Variants in RHEX observed in about 807,000 individuals in gnomAD.
RHEX encodes regulator of hemoglobinization and erythroid cell expansion.
Under a neutral mutation model 20.1 loss-of-function variants are expected in RHEX, and 18 were observed. The observed-to-expected ratio is 0.90, with a 90% CI of 0.62 to 1.33. RHEX has a LOEUF of 1.33. RHEX is among the 40% of genes most tolerant of loss of function. The pLI, the probability that RHEX is intolerant of heterozygous loss-of-function variation, is 0.00. For missense variants in RHEX, 192 were observed against 214.3 expected (o/e 0.90, Z 0.65); for synonymous variants, 87 against 77.1 (o/e 1.13, Z -0.67).
At chr1:206,072,890 G>T (rs1662563348) in intron 1 of RHEX, among the ~76,000 whole-genome samples, 1 of 147,184 alleles carries the variant, frequency 6.8e-6, no homozygotes, top group Admixed American at 6.9e-5. Flanking sequence ...GGAGTGCAGT[G>T]GTGTGATCAC....
intron 1 of RHEX, among the ~76,000 whole-genome samples, chr1:206,090,569 C>T (rs892586783): frequency 6.6e-6 from 1 of 151,988 alleles, no homozygotes; most frequent in Non-Finnish European, 1.5e-5. Flanking sequence ...TTCCCAGATA[C>T]ATTTTAGAGT....
chr1:206,064,417 C>T (rs1405791937), intron 1 of RHEX, among the ~76,000 whole-genome samples: 25 of 112,662 alleles, frequency 2.2e-4, no homozygotes, highest in African/African-American at 4.8e-4. Context: ...CCCGGCCAGC[C>T]GCCCCGTCCG....
At chr1:206,084,249 A>G (rs1662791481) in intron 1 of RHEX, among the ~76,000 whole-genome samples, 1 of 152,190 alleles carries the variant, frequency 6.6e-6, no homozygotes, top group South Asian at 2.1e-4. Flanking sequence ...AGGTCAGAGA[A>G]TGTGCACCAT....
chr1:206,060,513 G>A (rs1191855087), intron 1 of RHEX: 1 of 152,628 alleles, frequency 6.6e-6, no homozygotes, highest in Non-Finnish European at 1.5e-5. Context: ...GGATCTGTGG[G>A]GATTGGTGTG....
At chr1:206,097,005 G>C (rs1402095050) in intron 1 of RHEX, among the ~76,000 whole-genome samples, 1 of 152,030 alleles carries the variant, frequency 6.6e-6, no homozygotes, top group Non-Finnish European at 1.5e-5. Context: ...GAACTCCTAG[G>C]CTCAAGTGAT....
intron 2 of RHEX, 108 bp from the exon 3 acceptor site, chr1:206,097,973 G>A (rs1422622363): frequency 5.1e-6 from 6 of 1,170,958 alleles, no homozygotes; most frequent in African/African-American, 3.0e-5. Context: ...CCTACCCTGG[G>A]ACACGCAGCA....
Position 206,099,809 on chromosome 1 carries a change from G to A in RHEX, c.256+11G>A. The A allele has an allele frequency of 6.2e-7, 1 of 1,613,356 alleles. No homozygotes were observed. The highest frequency in any genetic ancestry group is 2.2e-5 in the East Asian group (1 of 44,874). On this transcript the variant is annotated intron_variant, in intron 4 of 5. Coordinates refer to ENST00000331555, the MANE Select transcript of RHEX (RefSeq NM_001007544.4). ...ATTCCCTTTACAGGCGTGAGTAAGG[G>A]GTTGGAGGGAGAACTTGTCTAGGGA...
At chr1:206,074,257 T>C (rs1184147251) in intron 1 of RHEX, among the ~76,000 whole-genome samples, 2 of 152,194 alleles carry the variant, frequency 1.3e-5, no homozygotes, top group Non-Finnish European at 2.9e-5. Flanking sequence ...CAATTTTTTA[T>C]CTAAAGTCTA....
chr1:206,084,405 C>T (rs782574662), intron 1 of RHEX, among the ~76,000 whole-genome samples: 5 of 152,166 alleles, frequency 3.3e-5, no homozygotes, highest in Non-Finnish European at 7.4e-5. Flanking sequence ...TTCCTCACAC[C>T]TAAAGACGTA....
intron 1 of RHEX, among the ~76,000 whole-genome samples, chr1:206,057,556 TTGCAC>T (rs1165287931): frequency 6.6e-6 from 1 of 152,272 alleles, no homozygotes; most frequent in African/African-American, 2.4e-5. Context: ...CCACCCAGAA[TTGCAC>T]TGGGACTGGA....
chr1:206,065,943 C>T (rs1334257192), intron 1 of RHEX, among the ~76,000 whole-genome samples: 1 of 152,162 alleles, frequency 6.6e-6, no homozygotes, highest in African/African-American at 2.4e-5. Context: ...TGGGCTTGGC[C>T]CCAGGACTAA....
intron 1 of RHEX, among the ~76,000 whole-genome samples, chr1:206,094,169 GGTGTGTGTGT>G (rs66885504): frequency 5.2e-4 from 77 of 148,664 alleles, no homozygotes; most frequent in Non-Finnish European, 8.2e-4. Context: ...CTGGTTATTT[GGTGTGTGTGT>G]GTGTGTGTGT....
intron 1 of RHEX, among the ~76,000 whole-genome samples, chr1:206,059,473 C>T (rs1286661026): frequency 6.6e-6 from 1 of 152,144 alleles, no homozygotes; most frequent in Non-Finnish European, 1.5e-5. Flanking sequence ...CAATGGGTTC[C>T]CCCCACCCCA....
intron 1 of RHEX, among the ~76,000 whole-genome samples, chr1:206,079,731 T>C (rs1662702293): frequency 6.6e-6 from 1 of 152,132 alleles, no homozygotes; most frequent in South Asian, 2.1e-4. Context: ...AATTTTTAAA[T>C]TTTTAGTAGA....
chr1:206,096,363 G>C (rs782428579), intron 1 of RHEX, among the ~76,000 whole-genome samples: 4 of 152,234 alleles, frequency 2.6e-5, no homozygotes, highest in Non-Finnish European at 5.9e-5. Flanking sequence ...TTAGACAATC[G>C]ATACTAAAGC....
At position 206,064,615 on chromosome 1, in the gene RHEX, C is replaced by T. The variant is rs1376709780; in HGVS notation, c.-97+11350C>T. Among the ~76,000 whole-genome samples the T allele has an allele frequency of 8.6e-3, 790 of 91,828 alleles. 6 individuals are homozygous for T. The highest frequency in any genetic ancestry group is 0.016 in the South Asian group (43 of 2,678). 60.2% of individuals were successfully genotyped at this position (91,828 alleles called of 152,430 possible). On this transcript the variant is annotated intron_variant, in intron 1 of 5. Coordinates refer to ENST00000331555, the MANE Select transcript of RHEX (RefSeq NM_001007544.4). ...CCGCCCCTACTGGGAAGTGAGGAGC[C>T]CCTCTGCCCGGCCGGCCGCCCCGTC...
In RHEX at chr1:206,101,854, T is replaced by G. The variant is rs970301375; in HGVS notation, c.421T>G (p.Tyr141Asp). The change falls in exon 6 of 6, where the codon TAT becomes GAT. Residue 141 changes from tyrosine to aspartate, a missense_variant. Tyr to Asp is a radical substitution (Grantham distance 160). Transcript: ENST00000331555. ...TGAGAACATAAAGGAAATCACAGAT[T>G]ATGTCAATGTCAATCCAGAAAGACA... Reference protein sequence around the residue: ...DYENIKEITDYVNVNPERHKP... With the variant: ...DYENIKEITDDVNVNPERHKP... 3.7e-6 allele frequency: 6 copies of G among 1,613,924 alleles called. No homozygotes were observed. The African/African-American group carries it at 8.0e-5, about 22-fold the overall frequency.
chr1:206,099,853 G>A (rs1663153287), intron 4 of RHEX, 55 bp downstream of exon 4: 1 of 1,564,410 alleles, frequency 6.4e-7, no homozygotes, highest in Non-Finnish European at 8.7e-7. Flanking sequence ...GCTCTCTCTG[G>A]ACACCCAGGA....
intron 1 of RHEX, among the ~76,000 whole-genome samples, chr1:206,091,396 C>T (rs770786060): frequency 1.6e-4 from 24 of 152,112 alleles, no homozygotes; most frequent in Non-Finnish European, 2.9e-4. Context: ...ACCATTTTGT[C>T]AGATACTGAT....
Sources: allele counts gnomAD v4.1 joint callset (sites outside exome capture counted in the v4.1 genomes callset), GRCh38; gene constraint gnomAD v4.1.1; transcripts MANE v1.5; gene names NCBI Gene and HGNC (gene_info 2026-07-23, HGNC 2026-07-21).